The following MGAT4C variants were observed in gnomAD, a reference collection of about 807,000 sequenced individuals.
MGAT4C encodes the protein alpha-1,3-mannosyl-glycoprotein 4-beta-N-acetylglucosaminyltransferase C.
MGAT4C carries 19 observed loss-of-function variants against 40.1 expected under a neutral mutation model. The ratio of observed to expected loss-of-function variants is 0.47; its 90% CI spans 0.33 to 0.70. MGAT4C has a LOEUF of 0.70. Among genes scored for constraint, MGAT4C ranks in the 30% least tolerant of loss-of-function variants. The pLI is 0.02. For missense variants in MGAT4C, 491 were observed against 563.2 expected, an observed-to-expected ratio of 0.87 and a Z score of 1.30; for synonymous variants, 181 against 187.1, an observed-to-expected ratio of 0.97 and a Z score of 0.27.
At chr12:86,709,511 A>G (rs983049917) in intron 2 of MGAT4C, among the ~76,000 whole-genome samples, 6 of 152,148 alleles carry the variant, frequency 3.9e-5, no homozygotes, top group African/African-American at 1.2e-4. Context: ...TATACCTAAG[A>G]AACATTTTTT....
intron 2 of MGAT4C, among the ~76,000 whole-genome samples, chr12:86,009,212 A>G (rs1888208707): frequency 6.6e-6 from 1 of 152,138 alleles, no homozygotes; most frequent in African/African-American, 2.4e-5. Flanking sequence ...CTCTTAGAAT[A>G]ATTCTCTTTT....
intron 4 of MGAT4C, among the ~76,000 whole-genome samples, chr12:86,301,724 T>G (rs1024705956): frequency 1.3e-5 from 2 of 152,170 alleles, no homozygotes; most frequent in Non-Finnish European, 2.9e-5. Flanking sequence ...AAGAAAACAA[T>G]GAAACATACT....
chr12:86,816,302 C>A lies in MGAT4C; in HGVS notation c.-262+22364G>T, dbSNP rs1952605777. ...TGTGTGTCAAAATTGACTAGATAAACCTTGTGTATCTACTTATAACTTTTT... is the reference window on the plus strand; with the variant it reads ...TGTGTGTCAAAATTGACTAGATAAAACTTGTGTATCTACTTATAACTTTTT... On this transcript the variant is annotated intron_variant, in intron 1 of 7. Transcript: ENST00000548651. Among the ~76,000 whole-genome samples, 4 of 151,518 alleles carry A rather than the reference C, an allele frequency of 2.6e-5. No individual in the cohort carries two copies. In the South Asian group the frequency reaches 8.3e-4, roughly 32 times the overall value.
intron 1 of MGAT4C, among the ~76,000 whole-genome samples, chr12:86,729,298 G>C (rs1431816983): frequency 6.6e-6 from 1 of 152,046 alleles, no homozygotes; most frequent in Non-Finnish European, 1.5e-5. Flanking sequence ...TGCATTGCCT[G>C]CCTGTATCAA....
chr12:86,511,359 C>T (rs1490641372), intron 2 of MGAT4C, among the ~76,000 whole-genome samples: 1 of 152,050 alleles, frequency 6.6e-6, no homozygotes, highest in Non-Finnish European at 1.5e-5. Flanking sequence ...CAATGTTTCA[C>T]CGTTTTCAGT....
At chr12:86,427,378 T>C (rs953477153) in intron 3 of MGAT4C, among the ~76,000 whole-genome samples, 1 of 151,958 alleles carries the variant, frequency 6.6e-6, no homozygotes, top group Non-Finnish European at 1.5e-5. Flanking sequence ...ATACATATTA[T>C]AATTATAGTA....
chr12:85,983,278 T>G (rs1884824988), intron 4 of MGAT4C, among the ~76,000 whole-genome samples: 1 of 152,206 alleles, frequency 6.6e-6, no homozygotes, highest in African/African-American at 2.4e-5. Flanking sequence ...CTCTATACCA[T>G]CCTACAACAA....
At chr12:86,334,827 T>C (rs868641485) in intron 3 of MGAT4C, among the ~76,000 whole-genome samples, 11 of 152,154 alleles carry the variant, frequency 7.2e-5, no homozygotes, top group Admixed American at 3.9e-4. Context: ...GCAATGTACT[T>C]CAAAGTCATC....
chr12:86,390,030 TAAC>T (rs981884796), intron 3 of MGAT4C, among the ~76,000 whole-genome samples: 3 of 152,178 alleles, frequency 2.0e-5, no homozygotes, highest in Non-Finnish European at 4.4e-5. Flanking sequence ...ATGCACTTTT[TAAC>T]AACATTACAT....
At chr12:86,164,811 A>T (rs1380221978) in intron 1 of MGAT4C, among the ~76,000 whole-genome samples, 2 of 152,296 alleles carry the variant, frequency 1.3e-5, no homozygotes, top group Non-Finnish European at 2.9e-5. Context: ...GCAGGAGCCC[A>T]CTTAGCAGGG....
At chr12:86,636,680 A>T (rs1963228994) in intron 2 of MGAT4C, among the ~76,000 whole-genome samples, 1 of 152,006 alleles carries the variant, frequency 6.6e-6, no homozygotes, top group South Asian at 2.1e-4. Flanking sequence ...AGAAATTTTC[A>T]TGTTGTTTAA....
At chr12:86,303,092 C>G (rs193257690) in intron 4 of MGAT4C, among the ~76,000 whole-genome samples, 1 of 150,588 alleles carries the variant, frequency 6.6e-6, no homozygotes, top group Non-Finnish European at 1.5e-5. Context: ...CCTATTTTTA[C>G]AGTATTCTCA....
intron 3 of MGAT4C, among the ~76,000 whole-genome samples, chr12:86,406,781 C>T (rs1351942164): frequency 6.6e-6 from 1 of 151,874 alleles, no homozygotes; most frequent in Non-Finnish European, 1.5e-5. Flanking sequence ...ATGAGATAAA[C>T]TTTTTTATCT....
intron 2 of MGAT4C, among the ~76,000 whole-genome samples, chr12:86,663,495 A>G (rs1430171602): frequency 6.6e-6 from 1 of 152,198 alleles, no homozygotes; most frequent in Non-Finnish European, 1.5e-5. Context: ...TTAGTCATTT[A>G]TCACAATAGG....
intron 2 of MGAT4C, among the ~76,000 whole-genome samples, chr12:86,500,365 A>T (rs1176913705): frequency 1.3e-5 from 2 of 151,796 alleles, no homozygotes; most frequent in Non-Finnish European, 2.9e-5. Context: ...GAGAGGAGAG[A>T]GCAAACATGA....
chr12:86,510,942 A>G (rs1958569930), intron 2 of MGAT4C, among the ~76,000 whole-genome samples: 1 of 151,874 alleles, frequency 6.6e-6, no homozygotes, highest in African/African-American at 2.4e-5. Context: ...CGAGACAGAA[A>G]GTCAACAAGG....
chr12:86,115,620 G>A (rs1335093937), intron 1 of MGAT4C, among the ~76,000 whole-genome samples: 1 of 151,960 alleles, frequency 6.6e-6, no homozygotes, highest in Non-Finnish European at 1.5e-5. Flanking sequence ...AATCTTCTCA[G>A]TGACAAAGTC....
At chr12:86,258,520 T>C (rs897024095), upstream of MGAT4C, among the ~76,000 whole-genome samples, 6 of 152,100 alleles carry the variant, frequency 3.9e-5, no homozygotes, top group Non-Finnish European at 8.8e-5. Context: ...CAGGCATTTT[T>C]GTTTGTTTGT....
chr12:86,758,804 T>C (rs1280069660), intron 1 of MGAT4C, among the ~76,000 whole-genome samples: 1 of 152,046 alleles, frequency 6.6e-6, no homozygotes, highest in Non-Finnish European at 1.5e-5. Context: ...AAACATGCTG[T>C]TTTGATACAC....
Sources: allele counts gnomAD v4.1 joint callset (sites outside exome capture counted in the v4.1 genomes callset), GRCh38; gene constraint gnomAD v4.1.1; transcripts MANE v1.5; gene names NCBI Gene and HGNC (gene_info 2026-07-23, HGNC 2026-07-21).